Variants in TMEM150C observed in about 807,000 individuals in gnomAD.
TMEM150C encodes tentonin 3.
A neutral mutation model predicts 29.9 loss-of-function variants in TMEM150C; 10 were observed. That is an observed-to-expected ratio of 0.33 (90% CI 0.21 to 0.57). TMEM150C has a LOEUF of 0.57. Among genes scored for constraint, TMEM150C ranks in the 20% least tolerant of loss-of-function variants. The pLI is 0.88. For synonymous variants in TMEM150C, 101 were observed against 112.5 expected (o/e 0.90, Z 0.64); for missense variants, 251 against 303.6 (o/e 0.83, Z 1.29).
At chr4:82,541,476 A>C (rs1172029175) in intron 1 of TMEM150C, among the ~76,000 whole-genome samples, 1 of 152,220 alleles carries the variant, frequency 6.6e-6, no homozygotes, top group African/African-American at 2.4e-5. Context: ...AAGGATGTTG[A>C]TTATAATGAT....
At chr4:82,503,679 A>T (rs1007317965) in intron 2 of TMEM150C, among the ~76,000 whole-genome samples, 1 of 151,766 alleles carries the variant, frequency 6.6e-6, no homozygotes, top group African/African-American at 2.4e-5. Flanking sequence ...TGAAACCCCG[A>T]CTCTACTAAA....
At chr4:82,503,182 T>A in intron 2 of TMEM150C, 70 bp from the exon 3 acceptor site, 1 of 1,092,936 alleles carries the variant, frequency 9.1e-7, no homozygotes, top group Non-Finnish European at 1.4e-6. Context: ...CCAGTTTTAT[T>A]AAACTAACTG....
At chr4:82,545,414 A>C (rs957123618) in intron 1 of TMEM150C, among the ~76,000 whole-genome samples, 1 of 152,224 alleles carries the variant, frequency 6.6e-6, no homozygotes, top group Non-Finnish European at 1.5e-5. Flanking sequence ...AGAGCCATCT[A>C]GGACAAACCC....
chr4:82,531,243 G>A (rs2110082901), intron 1 of TMEM150C, among the ~76,000 whole-genome samples: 1 of 152,318 alleles, frequency 6.6e-6, no homozygotes, highest in East Asian at 1.9e-4. Flanking sequence ...GCACTGAGAT[G>A]CCTTCGAGAC....
intron 1 of TMEM150C, among the ~76,000 whole-genome samples, chr4:82,556,889 T>A (rs531842661): frequency 6.6e-5 from 10 of 152,268 alleles, no homozygotes; most frequent in Non-Finnish European, 1.3e-4. Flanking sequence ...AACACAGAGA[T>A]AATTTGGGAG....
chr4:82,518,885 T>G (rs541660747), intron 1 of TMEM150C, among the ~76,000 whole-genome samples: 2 of 152,240 alleles, frequency 1.3e-5, no homozygotes, highest in Admixed American at 6.5e-5. Flanking sequence ...AGTTATTAGA[T>G]AGCCTGTTCT....
intron 6 of TMEM150C, chr4:82,495,027 T>C (rs1185572779): frequency 1.2e-5 from 14 of 1,173,304 alleles, no homozygotes; most frequent in Admixed American, 2.3e-5. Flanking sequence ...CTGCTGTTTG[T>C]GCTGCAGGAC....
chr4:82,520,376 G>T (rs978014176), intron 1 of TMEM150C, among the ~76,000 whole-genome samples: 3 of 152,134 alleles, frequency 2.0e-5, no homozygotes, highest in Non-Finnish European at 2.9e-5. Context: ...AACTTGCTTT[G>T]TCCGCAGTCT....
chr4:82,555,732 TC>T (rs1306519207), intron 1 of TMEM150C, among the ~76,000 whole-genome samples: 1 of 152,206 alleles, frequency 6.6e-6, no homozygotes, highest in African/African-American at 2.4e-5. Context: ...GGGTTCCTAT[TC>T]TGCCTTCACT....
chr4:82,520,414 A>T (rs991011220), intron 1 of TMEM150C, among the ~76,000 whole-genome samples: 4 of 152,140 alleles, frequency 2.6e-5, no homozygotes, highest in African/African-American at 9.7e-5. Flanking sequence ...GTGGCTCCCC[A>T]TCCTTCCTCT....
chr4:82,489,819 G>C (rs1723273752), intron 7 of TMEM150C, among the ~76,000 whole-genome samples: 1 of 152,130 alleles, frequency 6.6e-6, no homozygotes. Context: ...GAGAATGTAT[G>C]ACACCATTCC....
intron 6 of TMEM150C, among the ~76,000 whole-genome samples, chr4:82,494,491 T>G (rs1350623653): frequency 6.6e-6 from 1 of 152,224 alleles, no homozygotes; most frequent in African/African-American, 2.4e-5. Flanking sequence ...AAGCATCCTT[T>G]TATCCAGTAA....
At chr4:82,517,681 G>A (rs752495967) in intron 1 of TMEM150C, among the ~76,000 whole-genome samples, 3 of 152,242 alleles carry the variant, frequency 2.0e-5, no homozygotes, top group South Asian at 2.1e-4. Flanking sequence ...TTACACCATC[G>A]GCTCCCCTTG....
intron 1 of TMEM150C, among the ~76,000 whole-genome samples, chr4:82,557,839 G>C (rs182562557): frequency 6.6e-6 from 1 of 150,850 alleles, no homozygotes; most frequent in Admixed American, 6.6e-5. Context: ...GGGACCAAGC[G>C]ATTCTCCTGT....
chr4:82,510,217 T>C (rs556111228), intron 1 of TMEM150C, among the ~76,000 whole-genome samples: 26 of 152,188 alleles, frequency 1.7e-4, no homozygotes, highest in African/African-American at 6.0e-4. Flanking sequence ...AGGCGGAGGT[T>C]GCAGTGAGCC....
intron 1 of TMEM150C, among the ~76,000 whole-genome samples, chr4:82,551,477 C>T (rs1020388876): frequency 1.3e-5 from 2 of 152,194 alleles, no homozygotes; most frequent in Non-Finnish European, 2.9e-5. Flanking sequence ...AAAATAAGGA[C>T]ATTCCATGAG....
chr4:82,540,622 T>C (rs1045627434), intron 1 of TMEM150C, among the ~76,000 whole-genome samples: 6 of 152,144 alleles, frequency 3.9e-5, no homozygotes, highest in East Asian at 1.9e-4. Flanking sequence ...GAAGCACCCA[T>C]TGAAACGTTT....
chr4:82,544,580 A>C (rs554555125), intron 1 of TMEM150C, among the ~76,000 whole-genome samples: 47 of 152,290 alleles, frequency 3.1e-4, no homozygotes, highest in Middle Eastern at 6.8e-3. Flanking sequence ...GGGGTTCGAG[A>C]CCAGCCTGGG....
At chr4:82,495,996 A>G in intron 6 of TMEM150C, 72 bp downstream of exon 6, 1 of 1,593,642 alleles carries the variant, frequency 6.3e-7, no homozygotes, top group Non-Finnish European at 8.6e-7. Context: ...TTATACCTCA[A>G]TAGCTTTGAT....
Sources: allele counts gnomAD v4.1 joint callset (sites outside exome capture counted in the v4.1 genomes callset), GRCh38; gene constraint gnomAD v4.1.1; transcripts MANE v1.5; gene names NCBI Gene and HGNC (gene_info 2026-07-23, HGNC 2026-07-21).